CC2D2B: variants seen among roughly 807,000 people sequenced by gnomAD.
CC2D2B encodes coiled-coil and C2 domain containing 2B, also known as protein CC2D2B.
In CC2D2B, 128 loss-of-function variants were observed where a neutral mutation model predicts 161.2. The observed-to-expected ratio is 0.79, with a 90% CI of 0.69 to 0.92. The LOEUF is 0.92. CC2D2B is among the 40% of genes least tolerant of loss of function. The pLI is 0.00. For synonymous variants in CC2D2B, 391 were observed against 449.8 expected (o/e 0.87, Z 1.65); for missense variants, 1,173 against 1,375.1 (o/e 0.85, Z 2.32).
At chr10:96,025,170 T>TAAAAAAAA (rs1564683762) in intron 33 of CC2D2B, among the ~76,000 whole-genome samples, 9 of 19,310 alleles carry the variant, frequency 4.7e-4, no homozygotes, top group African/African-American at 1.7e-3. Context: ...TATATATATA[T>TAAAAAAAA]ATATATATAT....
At chr10:95,974,878 T>C (rs2077260509) in intron 17 of CC2D2B, among the ~76,000 whole-genome samples, 1 of 152,230 alleles carries the variant, frequency 6.6e-6, no homozygotes, top group African/African-American at 2.4e-5. Flanking sequence ...ACGGGATTTT[T>C]AGAGTAGTGA....
At chr10:95,931,128 C>G (rs1456524065) in intron 6 of CC2D2B, among the ~76,000 whole-genome samples, 1 of 152,072 alleles carries the variant, frequency 6.6e-6, no homozygotes, top group African/African-American at 2.4e-5. Context: ...GTGTATGTGT[C>G]CAGGAATTTA....
At position 95,992,716 on chromosome 10, in the gene CC2D2B, A is replaced by G; in HGVS notation, c.2642+19A>G. 8.1e-7 allele frequency: 1 copy of G among 1,228,712 alleles called. No homozygotes were observed. The highest frequency in any genetic ancestry group is 1.0e-6 in the Non-Finnish European group (1 of 983,170). The allele number at this position is 1,228,712 out of a possible 1,614,324, so 76.1% of individuals were successfully genotyped here. ...TTAATGGGTAAGGCAATATGCCCCA[A>G]TTTTTAGAGTTGCAAAAGGTCTATT... On this transcript the variant is annotated intron_variant, in intron 22 of 34. Transcript: ENST00000646931.
intron 31 of CC2D2B, 160 bp downstream of exon 31, chr10:96,019,497 T>C: frequency 1.2e-6 from 1 of 823,286 alleles, no homozygotes; most frequent in Non-Finnish European, 1.9e-6. Flanking sequence ...TCCAGGTGAT[T>C]GTGTAGTGCC....
intron 9 of CC2D2B, among the ~76,000 whole-genome samples, chr10:95,947,014 T>C (rs2076219422): frequency 6.9e-6 from 1 of 145,720 alleles, no homozygotes; most frequent in African/African-American, 2.5e-5. Flanking sequence ...ATTGCATTAC[T>C]GAAAACCAAT....
rs2077028076 is a variant in CC2D2B, at chr10:95,968,873, T to C, written c.1616T>C (p.Met539Thr). The C allele has an allele frequency of 8.1e-7, 1 of 1,229,708 alleles. No individual in the cohort carries two copies. The highest frequency in any genetic ancestry group is 1.0e-6 in the Non-Finnish European group (1 of 985,938). The allele number at this position is 1,229,708 out of a possible 1,614,324, so 76.2% of individuals were successfully genotyped here. A position where few individuals can be genotyped will look rare whatever the true frequency, so the allele number is the denominator to read the frequency against. The part of the protein sequence containing the change: ...MFQQIFNIQL[M>T]YWPEVICLEV... ...CAGCAAATTTTCAATATTCAGTTAATGTATTGGCCTGAAGTGATTTGTTTG... is the reference window on the plus strand; with the variant it reads ...CAGCAAATTTTCAATATTCAGTTAACGTATTGGCCTGAAGTGATTTGTTTG... Residue 539 changes from methionine (M) to threonine (T), a missense_variant, in exon 15 of 35, where the codon ATG becomes ACG. Met to Thr is a moderately conservative substitution (Grantham distance 81). Coordinates refer to ENST00000646931, the MANE Select transcript of CC2D2B (RefSeq NM_001349008.3).
At chr10:95,917,182 T>A (rs2098517881) in intron 2 of CC2D2B, among the ~76,000 whole-genome samples, 1 of 152,216 alleles carries the variant, frequency 6.6e-6, no homozygotes, top group Non-Finnish European at 1.5e-5. Context: ...TTTTATCTGA[T>A]ATAATTATAG....
At chr10:95,943,875 T>A (rs187875931) in intron 9 of CC2D2B, among the ~76,000 whole-genome samples, 1 of 152,312 alleles carries the variant, frequency 6.6e-6, no homozygotes, top group Admixed American at 6.5e-5. Flanking sequence ...AAATGTTCCA[T>A]CCTTTGCTTT....
chr10:95,962,907 A>C (rs2076814849), intron 12 of CC2D2B, among the ~76,000 whole-genome samples: 1 of 152,064 alleles, frequency 6.6e-6, no homozygotes, highest in Non-Finnish European at 1.5e-5. Context: ...ACACCCATGC[A>C]TCATGAATCC....
chr10:95,922,026 A>G lies in CC2D2B; in HGVS notation c.47A>G (p.Glu16Gly). ...REDIFKKMSEEMDNITAEEII... is the reference protein window; with the variant it reads ...REDIFKKMSEGMDNITAEEII... The stretch of plus-strand genomic sequence containing the variant: ...CTGCTTTTTTTGCAGATGTCAGAAG[A>G]GATGGATAATATTACAGCTGAAGAA... The change falls in exon 3 of 35, where the codon GAG becomes GGG. Residue 16 changes from glutamate to glycine, a missense_variant. By Grantham distance (98) the Glu-to-Gly change is moderately conservative. Transcript: ENST00000646931. The G allele has an allele frequency of 1.9e-6, 3 of 1,542,048 alleles. No homozygotes were observed. The highest frequency in any genetic ancestry group is 2.4e-5 in the South Asian group (2 of 82,506).
At chr10:96,009,109 G>A (rs115241923) in intron 25 of CC2D2B, among the ~76,000 whole-genome samples, 560 of 151,744 alleles carry the variant, frequency 3.7e-3, no homozygotes, top group Middle Eastern at 0.014. Flanking sequence ...ATAGTGACTC[G>A]GCTTTCTTTT....
intron 24 of CC2D2B, among the ~76,000 whole-genome samples, chr10:96,001,199 T>A (rs1208511725): frequency 6.6e-6 from 1 of 152,214 alleles, no homozygotes; most frequent in African/African-American, 2.4e-5. Context: ...TATGCTTTAC[T>A]GCTGGGTATA....
At chr10:95,934,679 TG>T (rs774335300) in intron 6 of CC2D2B, among the ~76,000 whole-genome samples, 5 of 152,036 alleles carry the variant, frequency 3.3e-5, no homozygotes, top group African/African-American at 4.8e-5. Context: ...GGTGAGGCGG[TG>T]CCCCACCCTG....
Position 96,009,854 on chromosome 10 carries a change from C to A in CC2D2B, c.2976C>A (p.His992Gln). ...ACTGTCTCAAGAGCTGTAGTGGTCA[C>A]TCATATATAAGAAAGAATTGGCTTG... ...EDHCLKSCSG[H>Q]SYIRKNWLGC... The change falls in exon 26 of 35, where the codon CAC (histidine) becomes CAA (glutamine). Residue 992 changes from histidine (H) to glutamine (Q), a missense_variant. Physicochemically the swap from His to Gln is conservative, Grantham distance 24. This residue lies in a region of CC2D2B where 598 missense variants were observed against 693.2 expected (regional missense o/e 0.86). Coordinates refer to ENST00000646931, the MANE Select transcript of CC2D2B (RefSeq NM_001349008.3). 1 of 1,605,664 alleles carries A rather than the reference C, an allele frequency of 6.2e-7. No homozygotes were observed. The highest frequency in any genetic ancestry group is 8.5e-7 in the Non-Finnish European group (1 of 1,173,830).
At chr10:96,014,501 C>A (rs1271838007) in intron 29 of CC2D2B, among the ~76,000 whole-genome samples, 1 of 152,118 alleles carries the variant, frequency 6.6e-6, no homozygotes, top group Non-Finnish European at 1.5e-5. Flanking sequence ...GAGTGTATGA[C>A]TGATTCAGTT....
chr10:95,921,442 C>T (rs1310963733), intron 2 of CC2D2B: 1 of 152,192 alleles, frequency 6.6e-6, no homozygotes, highest in African/African-American at 2.4e-5. Flanking sequence ...TTCAGTGCCT[C>T]TTTCCTTGAC....
At chr10:96,003,586 T>TTG (rs68085058) in intron 24 of CC2D2B, among the ~76,000 whole-genome samples, 40,880 of 127,214 alleles carry the variant, frequency 0.32, 6,614 homozygotes, top group African/African-American at 0.35. Flanking sequence ...GCCCGGCTAA[T>TTG]TGTGTGTGTG....
chr10:95,991,321 C>T, intron 20 of CC2D2B, 49 bp from the exon 21 acceptor site: 1 of 620,626 alleles, frequency 1.6e-6, no homozygotes, highest in Admixed American at 4.5e-5. Context: ...AATACTTAAC[C>T]TTAAAATATA....
At chr10:95,925,083 A>G (rs950492198) in intron 5 of CC2D2B, among the ~76,000 whole-genome samples, 2 of 152,208 alleles carry the variant, frequency 1.3e-5, no homozygotes, top group Admixed American at 1.3e-4. Flanking sequence ...ATCCTAAAAA[A>G]TTATAATAAA....
Sources: allele counts gnomAD v4.1 joint callset (sites outside exome capture counted in the v4.1 genomes callset), GRCh38; gene constraint gnomAD v4.1.1; regional missense constraint gnomAD v4.1.1; transcripts MANE v1.5; gene names NCBI Gene and HGNC (gene_info 2026-07-23, HGNC 2026-07-21).